OCIAD2: variants seen among roughly 807,000 people sequenced by gnomAD.
The protein encoded by OCIAD2 is OCIA domain-containing protein 2.
A neutral mutation model predicts 22.9 loss-of-function variants in OCIAD2; 29 were observed. The ratio of observed to expected loss-of-function variants is 1.27; its 90% CI spans 0.94 to 1.73. The LOEUF is 1.73. Ranked by LOEUF, OCIAD2 falls within the 40% of genes most tolerant of loss-of-function variation. The probability of loss-of-function intolerance (pLI) is 0.00; values close to 1 mark genes in which losing one functional copy is unlikely to be tolerated. For missense variants in OCIAD2, 189 were observed against 180.3 expected (o/e 1.05, Z -0.28); for synonymous variants, 67 against 60.2 (o/e 1.11, Z -0.52).
chr4:48,885,207 A>T lies in OCIAD2; in HGVS notation c.*277T>A. 3.4e-6 allele frequency: 1 copy of T among 293,796 alleles called. No individual in the cohort carries two copies. The highest frequency in any genetic ancestry group is 6.4e-5 in the South Asian group (1 of 15,640). 18.2% of individuals were successfully genotyped at this position (293,796 alleles called of 1,614,324 possible). A position where few individuals can be genotyped will look rare whatever the true frequency, so the allele number is the denominator to read the frequency against. The stretch of plus-strand genomic sequence containing the variant: ...TTTCACCATGTTGGCCAAGCTGGTC[A>T]TGAACTCCTGACCTCAAATGATCTG... On this transcript the variant is annotated 3_prime_UTR_variant, in exon 7 of 7. Coordinates refer to ENST00000508632, the MANE Select transcript of OCIAD2 (RefSeq NM_001014446.3).
intron 6 of OCIAD2, among the ~76,000 whole-genome samples, chr4:48,889,739 A>T (rs999827437): frequency 6.6e-6 from 1 of 152,242 alleles, no homozygotes; most frequent in African/African-American, 2.4e-5. Context: ...CATTTGACCC[A>T]ACCATCCCAT....
chr4:48,886,642 C>T (rs1780997482), intron 6 of OCIAD2, among the ~76,000 whole-genome samples: 1 of 152,162 alleles, frequency 6.6e-6, no homozygotes, highest in Admixed American at 6.5e-5. Flanking sequence ...TTTCCAGTTT[C>T]ATCCATGTCC....
intron 6 of OCIAD2, among the ~76,000 whole-genome samples, chr4:48,887,313 T>C (rs1366011945): frequency 1.3e-5 from 2 of 152,240 alleles, no homozygotes; most frequent in Admixed American, 6.5e-5. Flanking sequence ...TGGTAGTTTC[T>C]TTTGCTGTGC....
At position 48,890,044 on chromosome 4, in the gene OCIAD2, G is replaced by A. The variant is rs568064520; in HGVS notation, c.383+2728C>T. On this transcript the variant is annotated intron_variant, in intron 6 of 6. Transcript: ENST00000508632. ...CACCGCATGTTCTCACTCATAGGTGGGAACTGAACAATGAGAACACTTGGA... is the reference window on the plus strand; with the variant it reads ...CACCGCATGTTCTCACTCATAGGTGAGAACTGAACAATGAGAACACTTGGA... 4.1e-5 allele frequency among the ~76,000 whole-genome samples: 6 copies of A among 147,934 alleles called. No homozygotes were observed. The South Asian group carries it at 1.1e-3, about 27-fold the overall frequency.
chr4:48,896,433 T>TA (rs572315201), intron 4 of OCIAD2, among the ~76,000 whole-genome samples: 29 of 149,456 alleles, frequency 1.9e-4, no homozygotes, highest in Admixed American at 9.4e-4. Context: ...CTGCAAAAAT[T>TA]AAAAAAAAAA....
rs1235468474 is a variant in OCIAD2, at chr4:48,885,136, G to C, written c.*348C>G. 4 of 181,096 alleles carry C rather than the reference G, an allele frequency of 2.2e-5. No homozygotes were observed. Among genetic ancestry groups the C allele is most frequent in the Non-Finnish European group, 4.6e-5 (4 of 86,674 alleles). The allele number at this position is 181,096 out of a possible 1,614,324, so 11.2% of individuals were successfully genotyped here. Reference sequence around the variant, plus strand: ...TCTCAGTAGCTGGGATTACAGGCATGTGCCACCACGCCTGGCTAATTTTTA... The same window carrying C: ...TCTCAGTAGCTGGGATTACAGGCATCTGCCACCACGCCTGGCTAATTTTTA... On this transcript the variant is annotated 3_prime_UTR_variant, in exon 7 of 7. Transcript: ENST00000508632.
At chr4:48,895,840 T>C (rs2109675935) in intron 4 of OCIAD2, among the ~76,000 whole-genome samples, 1 of 152,236 alleles carries the variant, frequency 6.6e-6, no homozygotes, top group Non-Finnish European at 1.5e-5. Context: ...GAGACCAGCC[T>C]GGCCAACATG....
chr4:48,892,136 T>C (rs1781192733), intron 6 of OCIAD2, among the ~76,000 whole-genome samples: 1 of 152,232 alleles, frequency 6.6e-6, no homozygotes, highest in South Asian at 2.1e-4. Context: ...CCAACACTAG[T>C]CTTGTAACTT....
chr4:48,899,772 T>C (rs1781376429), intron 3 of OCIAD2, 57 bp downstream of exon 3: 3 of 1,200,898 alleles, frequency 2.5e-6, no homozygotes, highest in Admixed American at 3.6e-5. Context: ...ATTACCACAA[T>C]TCTAATATGA....
At chr4:48,895,631 C>A (rs1781286226) in intron 4 of OCIAD2, among the ~76,000 whole-genome samples, 1 of 152,224 alleles carries the variant, frequency 6.6e-6, no homozygotes, top group South Asian at 2.1e-4. Flanking sequence ...CCTCTTGATA[C>A]TGTTACAATG....
At chr4:48,896,670 G>A (rs1421824048) in intron 4 of OCIAD2, among the ~76,000 whole-genome samples, 2 of 152,006 alleles carry the variant, frequency 1.3e-5, no homozygotes, top group Admixed American at 1.3e-4. Flanking sequence ...ATGGTGGCAC[G>A]TGCCTATAAT....
chr4:48,893,390 T>G (rs1312617347), intron 5 of OCIAD2: 1 of 152,346 alleles, frequency 6.6e-6, no homozygotes, highest in Non-Finnish European at 1.5e-5. Context: ...TTTCAGACTA[T>G]CAACTAAAAT....
intron 1 of OCIAD2, among the ~76,000 whole-genome samples, chr4:48,905,425 T>TA (rs371603094): frequency 1.3e-3 from 178 of 136,598 alleles, no homozygotes; most frequent in Middle Eastern, 3.6e-3. Flanking sequence ...GAAGAAAGAT[T>TA]AAAAAAAAAA....
At chr4:48,888,828 G>T (rs1445026420) in intron 6 of OCIAD2, among the ~76,000 whole-genome samples, 2 of 152,140 alleles carry the variant, frequency 1.3e-5, no homozygotes, top group Admixed American at 6.6e-5. Flanking sequence ...CCAGGCTTTG[G>T]TATCAAGATG....
intron 2 of OCIAD2, among the ~76,000 whole-genome samples, chr4:48,901,016 C>T (rs1212246457): frequency 1.3e-5 from 2 of 152,188 alleles, no homozygotes; most frequent in Non-Finnish European, 2.9e-5. Context: ...ATTCTCCACT[C>T]CTTCCCCTCT....
rs1353921596 is a variant in OCIAD2 at position 48,897,831 on chromosome 4, G to T, written c.190C>A (p.Leu64Ile). ...TGGTAGACTAGTCCCTGGGTGACAA[G>T]CATGCTTACAAGAGAAAAAGGCAGA... ...RALPFSLVSM[L>I]VTQGLVYQGY... The change falls in exon 4 of 7, where the codon CTT becomes ATT. Residue 64 changes from leucine (L) to isoleucine (I), a missense_variant. By Grantham distance (5) the Leu-to-Ile change is conservative (BLOSUM62 2). Coordinates refer to ENST00000508632, the MANE Select transcript of OCIAD2 (RefSeq NM_001014446.3). 6.2e-7 allele frequency: 1 copy of T among 1,612,744 alleles called. No individual in the cohort carries two copies. The highest frequency in any genetic ancestry group is 8.5e-7 in the Non-Finnish European group (1 of 1,178,882).
At chr4:48,906,293 T>C (rs929615336) in intron 1 of OCIAD2, among the ~76,000 whole-genome samples, 1 of 152,106 alleles carries the variant, frequency 6.6e-6, no homozygotes, top group African/African-American at 2.4e-5. Context: ...TCGTGGGTGC[T>C]GACCGACGAA....
chr4:48,904,711 T>C, intron 1 of OCIAD2, 100 bp from the exon 2 acceptor site: 1 of 679,474 alleles, frequency 1.5e-6, no homozygotes, highest in South Asian at 1.8e-5. Flanking sequence ...AAAATGTGTT[T>C]TTCCTTTTGT....
chr4:48,897,761 G>A (rs1781331798), intron 4 of OCIAD2, 43 bp downstream of exon 4: 1 of 1,466,542 alleles, frequency 6.8e-7, no homozygotes, highest in African/African-American at 1.4e-5. Context: ...ACAGTAAACT[G>A]GGCTCTCTGA....
Sources: gnomAD v4.1 joint callset for allele counts (sites outside exome capture counted in the v4.1 genomes callset) on GRCh38, gnomAD v4.1.1 for gene constraint, MANE v1.5 for transcripts, NCBI Gene and HGNC (gene_info 2026-07-23, HGNC 2026-07-21) for gene names.